The following CCDC102B variants were observed in gnomAD, a reference collection of about 807,000 sequenced individuals.
The protein encoded by CCDC102B is coiled-coil domain-containing protein 102B.
A neutral mutation model predicts 57.4 loss-of-function variants in CCDC102B; 75 were observed. The ratio of observed to expected loss-of-function variants is 1.31; its 90% CI spans 1.08 to 1.58. The LOEUF (loss-of-function observed/expected upper bound fraction) is 1.58. CCDC102B is among the 40% of genes most tolerant of loss of function. The pLI is 0.00. For synonymous variants in CCDC102B, 206 were observed against 201.9 expected (o/e 1.02, Z -0.17); for missense variants, 636 against 582.6 (o/e 1.09, Z -0.94).
intron 1 of CCDC102B, among the ~76,000 whole-genome samples, chr18:68,808,468 CTTTTTTTTTTTT>C (rs1157601164): frequency 2.2e-5 from 2 of 91,798 alleles, no homozygotes; most frequent in African/African-American, 4.3e-5. Context: ...GCTTTTACTA[CTTTTTTTTTTTT>C]TTTTTTTTTT....
At chr18:69,002,320 C>T (rs1347386101) in intron 6 of CCDC102B, among the ~76,000 whole-genome samples, 1 of 152,156 alleles carries the variant, frequency 6.6e-6, no homozygotes, top group Non-Finnish European at 1.5e-5. Flanking sequence ...AAAAAGAGGG[C>T]ATGGTGAATG....
chr18:68,806,612 CTG>C (rs921843677), intron 1 of CCDC102B, among the ~76,000 whole-genome samples: 1 of 152,028 alleles, frequency 6.6e-6, no homozygotes, highest in Middle Eastern at 3.2e-3. Flanking sequence ...GTAAAATTCT[CTG>C]TGGAAAAAGA....
intron 7 of CCDC102B, 123 bp downstream of exon 7, chr18:69,011,227 A>G: frequency 1.2e-6 from 1 of 823,576 alleles, no homozygotes; most frequent in South Asian, 2.4e-5. Context: ...TATCTTAATG[A>G]CTGAAATCAA....
intron 6 of CCDC102B, among the ~76,000 whole-genome samples, chr18:68,918,549 A>T (rs2041159221): frequency 6.6e-6 from 1 of 152,202 alleles, no homozygotes; most frequent in Non-Finnish European, 1.5e-5. Context: ...CTTGTCTGTT[A>T]AAATTAAACC....
chr18:68,975,663 A>G (rs1020706843), intron 6 of CCDC102B, among the ~76,000 whole-genome samples: 3 of 152,044 alleles, frequency 2.0e-5, no homozygotes, highest in African/African-American at 7.2e-5. Context: ...GGTTGATCTC[A>G]GAAAGGCTTT....
intron 4 of CCDC102B, among the ~76,000 whole-genome samples, chr18:68,861,442 C>T (rs995092585): frequency 6.6e-6 from 1 of 152,018 alleles, no homozygotes; most frequent in Non-Finnish European, 1.5e-5. Context: ...AACCTTTGTT[C>T]TGAGTACTAT....
At chr18:68,959,766 AC>A in intron 6 of CCDC102B, among the ~76,000 whole-genome samples, 1 of 151,938 alleles carries the variant, frequency 6.6e-6, no homozygotes, top group Non-Finnish European at 1.5e-5. Context: ...CCCTATGGTT[AC>A]CACTGTCCCC....
chr18:68,948,091 A>C (rs1240280688), intron 6 of CCDC102B, among the ~76,000 whole-genome samples: 6 of 152,104 alleles, frequency 3.9e-5, no homozygotes, highest in Non-Finnish European at 5.9e-5. Context: ...AAAAGGTTTT[A>C]ACTTATTTTT....
At chr18:68,786,130 G>T (rs1235299548) in intron 2 of CCDC102B, among the ~76,000 whole-genome samples, 3 of 148,538 alleles carry the variant, frequency 2.0e-5, no homozygotes, top group Non-Finnish European at 4.5e-5. Flanking sequence ...TCAAAGATCA[G>T]ATAGTTGTAG....
chr18:68,902,499 A>G (rs552409102), intron 6 of CCDC102B, among the ~76,000 whole-genome samples: 2 of 152,272 alleles, frequency 1.3e-5, no homozygotes, highest in South Asian at 2.1e-4. Flanking sequence ...CAACCTCTTT[A>G]TAGATATATA....
chr18:68,799,379 G>T (rs141210196), intron 1 of CCDC102B, among the ~76,000 whole-genome samples: 1 of 152,004 alleles, frequency 6.6e-6, no homozygotes, highest in Non-Finnish European at 1.5e-5. Flanking sequence ...TCCTTCATAT[G>T]TTATCATTGG....
chr18:69,014,978 A>AGTGTGT (rs3035604), intron 7 of CCDC102B, among the ~76,000 whole-genome samples: 239 of 139,426 alleles, frequency 1.7e-3, no homozygotes, highest in South Asian at 4.0e-3. Flanking sequence ...AGAGAGAGAG[A>AGTGTGT]GTGTGTGTGT....
intron 6 of CCDC102B, among the ~76,000 whole-genome samples, chr18:68,932,556 T>A (rs1003549097): frequency 1.3e-5 from 2 of 151,900 alleles, no homozygotes; most frequent in African/African-American, 4.8e-5. Flanking sequence ...TAGATTAACA[T>A]TCACTCCCTT....
downstream of CCDC102B, among the ~76,000 whole-genome samples, chr18:69,057,653 G>A (rs1437418423): frequency 6.6e-6 from 1 of 151,976 alleles, no homozygotes; most frequent in Non-Finnish European, 1.5e-5. Context: ...TAATGCTATG[G>A]CTTTATGGAA....
intron 6 of CCDC102B, among the ~76,000 whole-genome samples, chr18:68,915,416 A>T (rs2041035702): frequency 6.6e-6 from 1 of 152,182 alleles, no homozygotes; most frequent in South Asian, 2.1e-4. Flanking sequence ...TTTTTTTCTA[A>T]ATATATGGTT....
At chr18:68,891,726 C>T (rs2040085687) in intron 5 of CCDC102B, among the ~76,000 whole-genome samples, 1 of 152,152 alleles carries the variant, frequency 6.6e-6, no homozygotes, top group African/African-American at 2.4e-5. Flanking sequence ...CCTCTGTGCT[C>T]ACTTGGAGAG....
At chr18:68,943,937 A>C (rs1370431603) in intron 6 of CCDC102B, among the ~76,000 whole-genome samples, 1 of 152,184 alleles carries the variant, frequency 6.6e-6, no homozygotes, top group East Asian at 1.9e-4. Flanking sequence ...GGTTACAAAA[A>C]AGCAAGGGAA....
chr18:69,057,543 C>A (rs555845507), downstream of CCDC102B, among the ~76,000 whole-genome samples: 2 of 152,092 alleles, frequency 1.3e-5, no homozygotes, highest in African/African-American at 4.8e-5. Flanking sequence ...TGGATATTGG[C>A]TTTCAGGAGG....
chr18:68,839,488 A>G (rs1011386760), intron 3 of CCDC102B, among the ~76,000 whole-genome samples: 17 of 152,214 alleles, frequency 1.1e-4, no homozygotes. Flanking sequence ...GTTATCTATT[A>G]TCTTGAAACA....
Sources: allele counts gnomAD v4.1 joint callset (sites outside exome capture counted in the v4.1 genomes callset), GRCh38; gene constraint gnomAD v4.1.1; transcripts MANE v1.5; gene names NCBI Gene and HGNC (gene_info 2026-07-23, HGNC 2026-07-21).